The following INPP4B variants were observed in gnomAD, a reference collection of about 807,000 sequenced individuals.
The protein encoded by INPP4B is inositol polyphosphate 4-phosphatase type II.
A neutral mutation model predicts 122.5 loss-of-function variants in INPP4B; 55 were observed. The observed-to-expected ratio is 0.45, with a 90% confidence interval of 0.36 to 0.56. INPP4B has a LOEUF of 0.56. INPP4B is among the 20% of genes least tolerant of loss of function. INPP4B has a pLI of 0.00. For missense variants in INPP4B, 1,000 were observed against 1,097.7 expected, an observed-to-expected ratio of 0.91 and a Z score of 1.26; for synonymous variants, 403 against 388.7, an observed-to-expected ratio of 1.04 and a Z score of -0.43.
At chr4:142,211,410 A>ACT (rs1388084315) in intron 12 of INPP4B, among the ~76,000 whole-genome samples, 1 of 152,172 alleles carries the variant, frequency 6.6e-6, no homozygotes, top group Non-Finnish European at 1.5e-5. Flanking sequence ...TTCATTTGTC[A>ACT]CTCAATGGTC....
intron 2 of INPP4B, among the ~76,000 whole-genome samples, chr4:142,568,646 C>T (rs548901881): frequency 1.3e-5 from 2 of 152,108 alleles, no homozygotes; most frequent in East Asian, 3.9e-4. Context: ...GTCTCTTTGC[C>T]ATCACTGATA....
intron 2 of INPP4B, among the ~76,000 whole-genome samples, chr4:142,666,535 A>G (rs928047719): frequency 1.3e-5 from 2 of 152,118 alleles, no homozygotes; most frequent in African/African-American, 4.8e-5. Context: ...ATTAATGAAA[A>G]TCTTATAATA....
intron 7 of INPP4B, among the ~76,000 whole-genome samples, chr4:142,364,995 A>T (rs1349088821): frequency 6.6e-6 from 1 of 152,110 alleles, no homozygotes; most frequent in African/African-American, 2.4e-5. Context: ...GTCCTACCCT[A>T]GGCTCCCAAG....
intron 2 of INPP4B, among the ~76,000 whole-genome samples, chr4:142,618,704 T>C (rs747905193): frequency 2.6e-5 from 4 of 152,114 alleles, no homozygotes; most frequent in Admixed American, 6.6e-5. Context: ...CACCAAAGCA[T>C]AGGCAATGAA....
intron 5 of INPP4B, among the ~76,000 whole-genome samples, chr4:142,405,782 T>C (rs1286904021): frequency 6.6e-6 from 1 of 152,076 alleles, no homozygotes; most frequent in Non-Finnish European, 1.5e-5. Flanking sequence ...ATGTATTCAC[T>C]AGAACTGGCC....
chr4:142,314,225 T>C (rs915226749), intron 8 of INPP4B, among the ~76,000 whole-genome samples: 15 of 152,176 alleles, frequency 9.9e-5, no homozygotes, highest in African/African-American at 2.7e-4. Context: ...AGAGAGGCAA[T>C]AGTTCAGTGC....
chr4:142,433,817 AGTT>A (rs1409277224), intron 3 of INPP4B, among the ~76,000 whole-genome samples: 1 of 152,188 alleles, frequency 6.6e-6, no homozygotes, highest in Non-Finnish European at 1.5e-5. Flanking sequence ...GAATGCCCTT[AGTT>A]GTTATGGTTC....
At chr4:142,133,669 T>C (rs1434385619) in intron 18 of INPP4B, among the ~76,000 whole-genome samples, 1 of 152,230 alleles carries the variant, frequency 6.6e-6, no homozygotes, top group Admixed American at 6.5e-5. Flanking sequence ...ACCTGTTTAA[T>C]GTCACCTTCT....
intron 18 of INPP4B, among the ~76,000 whole-genome samples, chr4:142,137,117 C>CAA (rs2152811946): frequency 6.6e-6 from 1 of 152,264 alleles, no homozygotes; most frequent in African/African-American, 2.4e-5. Context: ...AGGCATCATG[C>CAA]TACCTGACTT....
At chr4:142,470,983 G>A (rs1167549936) in intron 2 of INPP4B, among the ~76,000 whole-genome samples, 3 of 152,136 alleles carry the variant, frequency 2.0e-5, no homozygotes. Flanking sequence ...TTAATGAAGA[G>A]TTTAAAATGG....
chr4:142,776,483 A>G (rs955747160), intron 1 of INPP4B, among the ~76,000 whole-genome samples: 4 of 152,168 alleles, frequency 2.6e-5, no homozygotes, highest in Non-Finnish European at 1.5e-5. Context: ...AGAGAAGCTA[A>G]TGAAGCTTCA....
At chr4:142,240,281 A>G (rs919332491) in intron 11 of INPP4B, among the ~76,000 whole-genome samples, 4 of 151,852 alleles carry the variant, frequency 2.6e-5, no homozygotes, top group African/African-American at 7.3e-5. Flanking sequence ...GGCTCAAGCT[A>G]TCCGCCCATT....
At chr4:142,305,875 A>G in intron 8 of INPP4B, 1 of 1,080,950 alleles carries the variant, frequency 9.3e-7, no homozygotes, top group South Asian at 2.6e-5. Flanking sequence ...TTCCATATTT[A>G]CCAATGCTGT....
intron 3 of INPP4B, among the ~76,000 whole-genome samples, chr4:142,439,644 T>C (rs1811268430): frequency 6.6e-6 from 1 of 152,204 alleles, no homozygotes; most frequent in South Asian, 2.1e-4. Flanking sequence ...TTTTTCCTCC[T>C]ATGAAGCAGC....
intron 17 of INPP4B, among the ~76,000 whole-genome samples, chr4:142,153,889 C>G (rs1004421556): frequency 1.3e-5 from 2 of 152,148 alleles, no homozygotes; most frequent in African/African-American, 4.8e-5. Context: ...CCTGGGGTTT[C>G]TTTTCTTTAA....
rs182712528 is a variant in INPP4B at position 142,207,827 on chromosome 4, T to C, written c.1072+598A>G. Among the ~76,000 whole-genome samples, 399 of 152,246 alleles carry C rather than the reference T, an allele frequency of 2.6e-3. 2 individuals carry two copies. Among genetic ancestry groups the C allele is most frequent in the African/African-American group, 8.9e-3 (369 of 41,572 alleles). On this transcript the variant is annotated intron_variant, in intron 14 of 25. Coordinates refer to ENST00000262992, the MANE Select transcript of INPP4B (RefSeq NM_001101669.3). Reference sequence around the variant, plus strand: ...ACTTTTTTGATAAATGGCAAGAGATTATGTAGAATGGTAGTAAATATGACA... The same window carrying C: ...ACTTTTTTGATAAATGGCAAGAGATCATGTAGAATGGTAGTAAATATGACA...
intron 7 of INPP4B, among the ~76,000 whole-genome samples, chr4:142,376,071 G>T (rs907768908): frequency 1.3e-5 from 2 of 151,854 alleles, no homozygotes; most frequent in Admixed American, 6.6e-5. Flanking sequence ...ATATAAAGAG[G>T]CCTGTGCATA....
At chr4:142,415,808 A>G (rs1475457819) in intron 5 of INPP4B, among the ~76,000 whole-genome samples, 6 of 152,006 alleles carry the variant, frequency 3.9e-5, no homozygotes, top group Admixed American at 6.6e-5. Flanking sequence ...ATACACCATG[A>G]AATACTATGC....
chr4:142,737,777 C>T (rs1042497624), intron 1 of INPP4B, among the ~76,000 whole-genome samples: 1 of 151,784 alleles, frequency 6.6e-6, no homozygotes, highest in African/African-American at 2.4e-5. Flanking sequence ...AAAAAAACAA[C>T]CCCATCAAAA....
Sources: gnomAD v4.1 joint callset for allele counts (sites outside exome capture counted in the v4.1 genomes callset) on GRCh38, gnomAD v4.1.1 for gene constraint, MANE v1.5 for transcripts, NCBI Gene and HGNC (gene_info 2026-07-23, HGNC 2026-07-21) for gene names.